The following MAML2 variants were observed in gnomAD, a reference collection of about 807,000 sequenced individuals.
The protein encoded by MAML2 is mastermind like transcriptional coactivator 2, also known as mastermind-like protein 2.
MAML2 carries 22 observed loss-of-function variants against 96.1 expected under a neutral mutation model. The observed-to-expected ratio is 0.23, with a 90% CI of 0.16 to 0.33. The LOEUF is 0.33. Among genes scored for constraint, MAML2 ranks in the 10% least tolerant of loss-of-function variants. The pLI is 1.00. For synonymous variants in MAML2, 561 were observed against 521.3 expected (o/e 1.08, Z -1.04); for missense variants, 1,367 against 1,392.4 (o/e 0.98, Z 0.29).
intron 1 of MAML2, among the ~76,000 whole-genome samples, chr11:96,184,406 C>T (rs1466661505): frequency 3.3e-5 from 5 of 151,588 alleles, no homozygotes; most frequent in Non-Finnish European, 7.4e-5. Flanking sequence ...TGCCACTGCA[C>T]TCCAGCCTGG....
At chr11:96,072,523 C>A (rs796342671) in intron 2 of MAML2, among the ~76,000 whole-genome samples, 6 of 152,324 alleles carry the variant, frequency 3.9e-5, no homozygotes, top group African/African-American at 1.4e-4. Flanking sequence ...CACACCACCT[C>A]TGATATTCTG....
Position 96,308,082 on chromosome 11 carries a change from C to T in MAML2, c.513+33301G>A, listed in dbSNP as rs371734887. 1.1e-4 allele frequency among the ~76,000 whole-genome samples: 16 copies of T among 152,164 alleles called. No homozygotes were observed. In the East Asian group the frequency reaches 1.2e-3, roughly 11 times the overall value. On this transcript the variant is annotated intron_variant, in intron 1 of 4. Transcript: ENST00000524717. ...TTTACAATTCTAGACTCAGGCCTTA[C>T]ACAGTGTTATAGTTTACATTTGGGA... is the stretch of plus-strand genomic sequence containing the variant.
At chr11:96,266,227 C>T (rs1192334788) in intron 1 of MAML2, among the ~76,000 whole-genome samples, 1 of 152,150 alleles carries the variant, frequency 6.6e-6, no homozygotes, top group East Asian at 1.9e-4. Context: ...TCCCATTTCA[C>T]CTCCTCTGTC....
intron 2 of MAML2, among the ~76,000 whole-genome samples, chr11:96,047,882 A>G (rs1858927408): frequency 7.7e-6 from 1 of 130,338 alleles, no homozygotes; most frequent in Admixed American, 1.0e-4. Context: ...ACTGCACTCC[A>G]GCCTGGGCGA....
chr11:96,286,050 A>G (rs1863135021), intron 1 of MAML2, among the ~76,000 whole-genome samples: 1 of 152,234 alleles, frequency 6.6e-6, no homozygotes. Flanking sequence ...CACTATTCAC[A>G]ATAGCAAAGA....
In MAML2 at chr11:96,342,486, GA is replaced by G. The variant is rs1864011799; in HGVS notation, c.-592del. On this transcript the variant is annotated 5_prime_UTR_variant, in exon 1 of 5. Coordinates refer to ENST00000524717, the MANE Select transcript of MAML2 (RefSeq NM_032427.4). ...AACAAAACAAAACAGTGCTGTTTCAGAAGATGTTTAAGTCACTGTTCAAAAT... is the reference window on the plus strand; with the variant it reads ...AACAAAACAAAACAGTGCTGTTTCAGAGATGTTTAAGTCACTGTTCAAAAT... 3.0e-5 allele frequency: 12 copies of G among 398,480 alleles called. No homozygotes were observed. In the East Asian group the frequency reaches 3.9e-4, roughly 13 times the overall value. The allele number at this position is 398,480 out of a possible 1,614,324, so 24.7% of individuals were successfully genotyped here.
At chr11:95,992,320 C>T (rs982586426) in intron 2 of MAML2, among the ~76,000 whole-genome samples, 6 of 151,982 alleles carry the variant, frequency 3.9e-5, no homozygotes, top group South Asian at 2.1e-4. Flanking sequence ...GGTATCTCGG[C>T]GCAAGAATCT....
At chr11:96,169,960 CTT>C in intron 1 of MAML2, among the ~76,000 whole-genome samples, 1 of 152,320 alleles carries the variant, frequency 6.6e-6, no homozygotes, top group South Asian at 2.1e-4. Context: ...ACCAGTAAAA[CTT>C]TATTCTTCTA....
chr11:96,258,017 T>A (rs1862693221), intron 1 of MAML2, among the ~76,000 whole-genome samples: 1 of 152,230 alleles, frequency 6.6e-6, no homozygotes, highest in Admixed American at 6.5e-5. Flanking sequence ...TACAACTTCT[T>A]TTTAAATAAA....
rs1447046261 is a variant in MAML2, at chr11:96,303,452, T to A, written c.513+37931A>T. On this transcript the variant is annotated intron_variant, in intron 1 of 4. Coordinates refer to ENST00000524717, the MANE Select transcript of MAML2 (RefSeq NM_032427.4). ...CATGGAATGTGCCATAGAGTAAGAG[T>A]ATAGGAACCATTATTCTGTGAGTTC... Among the ~76,000 whole-genome samples the A allele has an allele frequency of 2.0e-5, 3 of 152,126 alleles. No homozygotes were observed. The East Asian group carries it at 5.8e-4, about 29-fold the overall frequency.
chr11:96,034,542 C>A (rs566567712), intron 2 of MAML2, among the ~76,000 whole-genome samples: 1 of 151,706 alleles, frequency 6.6e-6, no homozygotes, highest in Admixed American at 6.6e-5. Flanking sequence ...AAAAATAATT[C>A]CATCAACTTA....
chr11:96,242,689 C>G (rs1221725069), intron 1 of MAML2, among the ~76,000 whole-genome samples: 1 of 152,058 alleles, frequency 6.6e-6, no homozygotes, highest in Non-Finnish European at 1.5e-5. Flanking sequence ...AGGATTTTAA[C>G]TTACACAGAC....
chr11:96,147,118 GC>G (rs1334998691), intron 1 of MAML2, among the ~76,000 whole-genome samples: 2 of 152,156 alleles, frequency 1.3e-5, no homozygotes, highest in African/African-American at 2.4e-5. Flanking sequence ...CATTGTAGGT[GC>G]AAGAAAATTT....
chr11:95,983,735 T>A (rs1857781016), intron 4 of MAML2, among the ~76,000 whole-genome samples: 1 of 152,140 alleles, frequency 6.6e-6, no homozygotes, highest in South Asian at 2.1e-4. Flanking sequence ...GAAAAAAAGC[T>A]TCTAGAATAA....
chr11:96,040,164 C>A (rs1466771630), intron 2 of MAML2, among the ~76,000 whole-genome samples: 1 of 152,068 alleles, frequency 6.6e-6, no homozygotes, highest in Non-Finnish European at 1.5e-5. Context: ...GCCAGGTACA[C>A]TTCAAGGTGA....
chr11:95,995,629 T>C (rs9633814), intron 2 of MAML2, among the ~76,000 whole-genome samples: 2,529 of 152,128 alleles, frequency 0.017, 71 homozygotes, highest in African/African-American at 0.058. Flanking sequence ...AGATGTTTTA[T>C]ATCCAATGAG....
chr11:96,343,028 C>T lies in MAML2; in HGVS notation c.-1133G>A. ...CGCAATAAGCAATCTGGTTCTATCT[C>T]CTGTATTTGCTCCGCTTTATAGATG... On this transcript the variant is annotated 5_prime_UTR_variant, in exon 1 of 5. Transcript: ENST00000524717. 2.5e-6 allele frequency: 1 copy of T among 395,304 alleles called. No individual in the cohort carries two copies. Among genetic ancestry groups the T allele is most frequent in the Non-Finnish European group, 4.5e-6 (1 of 224,282 alleles). 24.5% of individuals were successfully genotyped at this position (395,304 alleles called of 1,614,324 possible). A position where few individuals can be genotyped will look rare whatever the true frequency, so the allele number is the denominator to read the frequency against.
chr11:96,280,118 T>C (rs1863044455), intron 1 of MAML2, among the ~76,000 whole-genome samples: 1 of 152,208 alleles, frequency 6.6e-6, no homozygotes, highest in African/African-American at 2.4e-5. Context: ...ATTCCAGGTG[T>C]GAACTGCTAT....
At chr11:96,154,848 A>G (rs1860984837) in intron 1 of MAML2, among the ~76,000 whole-genome samples, 1 of 152,138 alleles carries the variant, frequency 6.6e-6, no homozygotes, top group Admixed American at 6.5e-5. Context: ...GCCAGGTAAG[A>G]TGTCCTGGAG....
Sources: allele counts gnomAD v4.1 joint callset (sites outside exome capture counted in the v4.1 genomes callset), GRCh38; gene constraint gnomAD v4.1.1; transcripts MANE v1.5; gene names NCBI Gene and HGNC (gene_info 2026-07-23, HGNC 2026-07-21).